The following PCDH15 variants were observed in gnomAD, a reference collection of about 807,000 sequenced individuals.
PCDH15 encodes the protein protocadherin-15.
Under a neutral mutation model 178.5 loss-of-function variants are expected in PCDH15, and 129 were observed. The observed-to-expected ratio is 0.72, with a 90% CI of 0.63 to 0.84. The LOEUF is 0.84. Among genes scored for constraint, PCDH15 ranks in the 40% least tolerant of loss-of-function variants. The pLI is 0.00. For synonymous variants in PCDH15, 800 were observed against 732.0 expected, an observed-to-expected ratio of 1.09 and a Z score of -1.50; for missense variants, 2,230 against 2,099.9, an observed-to-expected ratio of 1.06 and a Z score of -1.21.
intron 5 of PCDH15, among the ~76,000 whole-genome samples, chr10:54,359,302 C>T (rs1310340023): frequency 1.3e-5 from 2 of 151,374 alleles, no homozygotes; most frequent in African/African-American, 4.9e-5. Context: ...TCTGAATAAG[C>T]TATGAATTTG....
intron 5 of PCDH15, among the ~76,000 whole-genome samples, chr10:54,357,799 C>G (rs1945280493): frequency 6.6e-6 from 1 of 152,110 alleles, no homozygotes; most frequent in Non-Finnish European, 1.5e-5. Context: ...CAGCATGGTA[C>G]TGGTACCAAA....
At chr10:54,980,759 A>G (rs1839212972) in intron 2 of PCDH15, among the ~76,000 whole-genome samples, 1 of 151,708 alleles carries the variant, frequency 6.6e-6, no homozygotes, top group South Asian at 2.1e-4. Context: ...ATTTTTTTCA[A>G]ATTTAGGTGT....
At chr10:53,821,882 AGATT>A in intron 32 of PCDH15, 1 of 1,613,488 alleles carries the variant, frequency 6.2e-7, no homozygotes, top group Non-Finnish European at 8.5e-7. Context: ...ATTGACTGTG[AGATT>A]GTTTTTCAGT....
intron 26 of PCDH15, among the ~76,000 whole-genome samples, chr10:53,888,880 A>T (rs2133449387): frequency 6.6e-6 from 1 of 150,952 alleles, no homozygotes; most frequent in East Asian, 2.0e-4. Context: ...CAAACAGGTC[A>T]ATGAAATAGA....
intron 14 of PCDH15, among the ~76,000 whole-genome samples, chr10:54,152,803 C>G (rs1256913157): frequency 7.9e-5 from 12 of 151,900 alleles, no homozygotes. Flanking sequence ...GACTTTGAAA[C>G]CCTGAGACAT....
Position 54,144,726 on chromosome 10 carries a change from C to T in PCDH15, c.1784+8374G>A, listed in dbSNP as rs185451674. 2.9e-3 allele frequency among the ~76,000 whole-genome samples: 436 copies of T among 152,074 alleles called. 5 individuals carry two copies. Among genetic ancestry groups the T allele is most frequent in the African/African-American group, 9.6e-3 (397 of 41,494 alleles). On this transcript the variant is annotated intron_variant, in intron 14 of 37. Coordinates refer to ENST00000644397, the MANE Select transcript of PCDH15 (RefSeq NM_001384140.1). ...ACCTAGACCGAAACCTTGGTGTTTT[C>T]GTAATAATCTTATAATTGAAAAAGA...
chr10:54,238,663 T>TC (rs1198541464), intron 8 of PCDH15, among the ~76,000 whole-genome samples: 1 of 140,032 alleles, frequency 7.1e-6, no homozygotes, highest in African/African-American at 3.0e-5. Flanking sequence ...ATGCTGCCTC[T>TC]CTCTCTCTCT....
chr10:54,490,289 A>G (rs1288733172), intron 3 of PCDH15, among the ~76,000 whole-genome samples: 5 of 151,966 alleles, frequency 3.3e-5, no homozygotes, highest in Non-Finnish European at 5.9e-5. Context: ...TCTCTATTAA[A>G]AACACAAAAA....
intron 2 of PCDH15, among the ~76,000 whole-genome samples, chr10:54,580,867 T>G (rs376484537): frequency 3.9e-5 from 6 of 152,120 alleles, no homozygotes; most frequent in African/African-American, 1.4e-4. Flanking sequence ...ATCATCTCCA[T>G]AGATGCAGAG....
intron 10 of PCDH15, among the ~76,000 whole-genome samples, chr10:54,204,951 A>G (rs922341875): frequency 3.9e-5 from 6 of 152,206 alleles, no homozygotes; most frequent in African/African-American, 1.4e-4. Flanking sequence ...CCAGGGGCTC[A>G]ACCAAAATAT....
At chr10:54,238,196 A>G (rs1265414624) in intron 8 of PCDH15, among the ~76,000 whole-genome samples, 3 of 152,160 alleles carry the variant, frequency 2.0e-5, no homozygotes, top group Non-Finnish European at 2.9e-5. Flanking sequence ...ATTCTAAAAA[A>G]TTACTGCAAT....
intron 3 of PCDH15, among the ~76,000 whole-genome samples, chr10:54,450,159 T>TATATA (rs2076385690): frequency 7.9e-6 from 1 of 126,554 alleles, no homozygotes; most frequent in African/African-American, 3.2e-5. Context: ...ATATATATAT[T>TATATA]ATACTTTAAG....
intron 2 of PCDH15, among the ~76,000 whole-genome samples, chr10:55,521,672 A>G (rs1482544317): frequency 6.6e-6 from 1 of 151,956 alleles, no homozygotes; most frequent in African/African-American, 2.4e-5. Context: ...GCGTGCAGAT[A>G]TCTTGTAGAG....
chr10:54,555,910 C>T (rs899604038), intron 2 of PCDH15, among the ~76,000 whole-genome samples: 1 of 151,914 alleles, frequency 6.6e-6, no homozygotes, highest in Non-Finnish European at 1.5e-5. Flanking sequence ...GGAAGAACAC[C>T]TCACATTTCT....
intron 2 of PCDH15, among the ~76,000 whole-genome samples, chr10:55,536,577 G>T (rs978670195): frequency 6.6e-6 from 1 of 152,002 alleles, no homozygotes; most frequent in South Asian, 2.1e-4. Context: ...GAAGACATAC[G>T]CATACAAGCA....
intron 3 of PCDH15, among the ~76,000 whole-genome samples, chr10:54,895,908 A>C (rs1302351430): frequency 6.6e-6 from 1 of 151,158 alleles, no homozygotes; most frequent in Non-Finnish European, 1.5e-5. Flanking sequence ...TTTTTTTGAG[A>C]TGGAGTCTCA....
intron 2 of PCDH15, among the ~76,000 whole-genome samples, chr10:55,419,192 AG>A (rs1441695775): frequency 6.6e-6 from 1 of 151,660 alleles, no homozygotes; most frequent in Non-Finnish European, 1.5e-5. Context: ...CGAAATGGGG[AG>A]GGAGGCCAGT....
chr10:54,328,084 C>A (rs1198663286), intron 7 of PCDH15, among the ~76,000 whole-genome samples: 3 of 151,914 alleles, frequency 2.0e-5, no homozygotes, highest in African/African-American at 7.2e-5. Context: ...ATGGTATCAT[C>A]CAGAGTATTT....
At chr10:54,153,897 A>G (rs1011755834) in intron 13 of PCDH15, among the ~76,000 whole-genome samples, 6 of 152,208 alleles carry the variant, frequency 3.9e-5, no homozygotes, top group Admixed American at 2.6e-4. Flanking sequence ...TGTGTCAACA[A>G]TCAAACAAAT....
Sources: gnomAD v4.1 joint callset for allele counts (sites outside exome capture counted in the v4.1 genomes callset) on GRCh38, gnomAD v4.1.1 for gene constraint, MANE v1.5 for transcripts, NCBI Gene and HGNC (gene_info 2026-07-23, HGNC 2026-07-21) for gene names.